OXR1: variants seen among roughly 807,000 people sequenced by gnomAD.
OXR1 encodes oxidation resistance protein 1.
Under a neutral mutation model 104.6 loss-of-function variants are expected in OXR1, and 41 were observed. The ratio of observed to expected loss-of-function variants is 0.39; its 90% CI spans 0.31 to 0.51. OXR1 has a LOEUF of 0.51. Among genes scored for constraint, OXR1 ranks in the 20% least tolerant of loss-of-function variants. The pLI, the probability that OXR1 is intolerant of heterozygous loss-of-function variation, is 0.77. For synonymous variants in OXR1, 348 were observed against 348.4 expected, an observed-to-expected ratio of 1.00 and a Z score of 0.01; for missense variants, 955 against 1,031.9, an observed-to-expected ratio of 0.93 and a Z score of 1.02.
At chr8:106,611,774 G>A (rs182553660) in intron 3 of OXR1, among the ~76,000 whole-genome samples, 1 of 152,170 alleles carries the variant, frequency 6.6e-6, no homozygotes, top group African/African-American at 2.4e-5. Flanking sequence ...GGAGAGTCCT[G>A]TTGCCTGTAA....
At chr8:106,588,612 C>T (rs1024469912) in intron 3 of OXR1, among the ~76,000 whole-genome samples, 2 of 151,746 alleles carry the variant, frequency 1.3e-5, no homozygotes, top group African/African-American at 4.8e-5. Flanking sequence ...CTCAGCCTCC[C>T]GAGTAGCTGG....
intron 1 of OXR1, among the ~76,000 whole-genome samples, chr8:106,324,511 A>T (rs1226489082): frequency 2.0e-5 from 3 of 150,328 alleles, no homozygotes; most frequent in African/African-American, 5.0e-5. Context: ...AACCTAAAAT[A>T]TTTTTTTTAA....
intron 2 of OXR1, among the ~76,000 whole-genome samples, chr8:106,438,092 G>A (rs1819649936): frequency 6.6e-6 from 1 of 152,158 alleles, no homozygotes; most frequent in Non-Finnish European, 1.5e-5. Flanking sequence ...AATGACCAGT[G>A]CAGATCTTTA....
intron 3 of OXR1, among the ~76,000 whole-genome samples, chr8:106,532,130 C>T (rs1408963422): frequency 6.6e-6 from 1 of 152,126 alleles, no homozygotes; most frequent in Non-Finnish European, 1.5e-5. Context: ...TGTGCTACAC[C>T]ATGGAATTTG....
intron 2 of OXR1, among the ~76,000 whole-genome samples, chr8:106,424,164 C>G (rs1377643239): frequency 2.0e-5 from 3 of 152,076 alleles, no homozygotes; most frequent in African/African-American, 7.2e-5. Flanking sequence ...TCTCAAACTC[C>G]TGACCTTAAG....
chr8:106,551,503 G>A (rs1223531503), intron 3 of OXR1, among the ~76,000 whole-genome samples: 1 of 151,966 alleles, frequency 6.6e-6, no homozygotes, highest in Non-Finnish European at 1.5e-5. Flanking sequence ...TTGAATACTG[G>A]CTTTTGGTTG....
intron 1 of OXR1, among the ~76,000 whole-genome samples, chr8:106,310,882 A>G (rs1392140892): frequency 6.6e-6 from 1 of 151,922 alleles, no homozygotes; most frequent in Admixed American, 6.6e-5. Context: ...AAAATTTTAC[A>G]TTTTTGTGCC....
chr8:106,341,390 C>CATATATATATATATATAT (rs138432601), intron 1 of OXR1, among the ~76,000 whole-genome samples: 2,094 of 145,812 alleles, frequency 0.014, 33 homozygotes, highest in East Asian at 0.044. Flanking sequence ...AGTCAATCTA[C>CATATATATATATATATAT]ATATATATAT....
chr8:106,315,205 G>A (rs1346023381), intron 1 of OXR1, among the ~76,000 whole-genome samples: 1 of 151,592 alleles, frequency 6.6e-6, no homozygotes, highest in Non-Finnish European at 1.5e-5. Flanking sequence ...TTACCTCTTT[G>A]GAGCCTGAAT....
intron 3 of OXR1, among the ~76,000 whole-genome samples, chr8:106,526,108 AAAG>A (rs1813641510): frequency 6.6e-6 from 1 of 152,204 alleles, no homozygotes; most frequent in Non-Finnish European, 1.5e-5. Context: ...ATAAGTTTTT[AAAG>A]AAGAATAAAA....
At chr8:106,618,357 G>A (rs896385003) in intron 3 of OXR1, among the ~76,000 whole-genome samples, 9 of 152,188 alleles carry the variant, frequency 5.9e-5, no homozygotes, top group African/African-American at 2.2e-4. Flanking sequence ...GCAAATGTTT[G>A]GCTGGGGAGG....
intron 2 of OXR1, among the ~76,000 whole-genome samples, chr8:106,488,776 G>T (rs1455294317): frequency 6.8e-6 from 1 of 147,466 alleles, no homozygotes; most frequent in Non-Finnish European, 1.5e-5. Context: ...CTGTTCCATT[G>T]ATCTATATCT....
At chr8:106,670,554 A>G (rs539229957) in intron 3 of OXR1, among the ~76,000 whole-genome samples, 2 of 152,338 alleles carry the variant, frequency 1.3e-5, no homozygotes, top group Non-Finnish European at 2.9e-5. Context: ...AATTTTGTAG[A>G]AAGTTACAAA....
intron 1 of OXR1, among the ~76,000 whole-genome samples, chr8:106,346,085 A>T (rs927080167): frequency 2.7e-5 from 4 of 146,432 alleles, no homozygotes; most frequent in African/African-American, 1.0e-4. Flanking sequence ...ATGGGGTTGC[A>T]GCAGTTTATT....
chr8:106,664,260 A>T (rs1826056607), intron 3 of OXR1, among the ~76,000 whole-genome samples: 1 of 152,362 alleles, frequency 6.6e-6, no homozygotes, highest in Admixed American at 6.5e-5. Context: ...TAAGCTGATG[A>T]TTCTCAAACT....
chr8:106,702,229 G>A (rs1587154744), intron 7 of OXR1, among the ~76,000 whole-genome samples: 1 of 152,078 alleles, frequency 6.6e-6, no homozygotes, highest in Non-Finnish European at 1.5e-5. Context: ...CAAAGTGCTG[G>A]GATTACAGGC....
At chr8:106,425,518 A>G (rs1031418557) in intron 2 of OXR1, among the ~76,000 whole-genome samples, 1 of 152,238 alleles carries the variant, frequency 6.6e-6, no homozygotes, top group Non-Finnish European at 1.5e-5. Context: ...AGCAAAGAAA[A>G]GAACCAGGGA....
intron 15 of OXR1, among the ~76,000 whole-genome samples, chr8:106,744,125 G>A (rs1835181645): frequency 6.6e-6 from 1 of 152,170 alleles, no homozygotes; most frequent in Non-Finnish European, 1.5e-5. Flanking sequence ...TTGATCGGAT[G>A]ATCTGTGCAG....
intron 6 of OXR1, among the ~76,000 whole-genome samples, chr8:106,692,203 C>T (rs1236968696): frequency 2.0e-5 from 3 of 151,968 alleles, no homozygotes; most frequent in African/African-American, 7.2e-5. Flanking sequence ...AACTTGTGAT[C>T]TAGTGGAATG....
Sources: allele counts gnomAD v4.1 joint callset (sites outside exome capture counted in the v4.1 genomes callset), GRCh38; gene constraint gnomAD v4.1.1; transcripts MANE v1.5; gene names NCBI Gene and HGNC (gene_info 2026-07-23, HGNC 2026-07-21).